The following RALYL variants were observed in gnomAD, a reference collection of about 807,000 sequenced individuals.
RALYL encodes the protein RNA-binding Raly-like protein.
RALYL carries 29 observed loss-of-function variants against 35.1 expected under a neutral mutation model. That is an observed-to-expected ratio of 0.83 (90% CI 0.61 to 1.13). The LOEUF is 1.13. RALYL is among the 50% of genes most tolerant of loss of function. The pLI is 0.00. For missense variants in RALYL, 359 were observed against 360.4 expected (o/e 1.00, Z 0.03); for synonymous variants, 120 against 127.6 (o/e 0.94, Z 0.40).
intron 2 of RALYL, among the ~76,000 whole-genome samples, chr8:84,619,577 C>A (rs1244664925): frequency 2.5e-4 from 36 of 145,856 alleles, no homozygotes; most frequent in Admixed American, 1.2e-3. Context: ...TTAATTGGAG[C>A]ATTTAGTCCA....
intron 2 of RALYL, among the ~76,000 whole-genome samples, chr8:84,566,679 T>A (rs1167725882): frequency 6.6e-6 from 1 of 151,610 alleles, no homozygotes; most frequent in African/African-American, 2.4e-5. Context: ...AATGAAGGAA[T>A]AGAATCAGAC....
chr8:84,899,377 T>C (rs1425808433), intron 8 of RALYL, among the ~76,000 whole-genome samples: 1 of 152,132 alleles, frequency 6.6e-6, no homozygotes, highest in East Asian at 1.9e-4. Flanking sequence ...TTTGTATTTT[T>C]CCTCAGTGTA....
chr8:84,762,256 G>A (rs1301179305), intron 2 of RALYL, among the ~76,000 whole-genome samples: 1 of 152,088 alleles, frequency 6.6e-6, no homozygotes, highest in African/African-American at 2.4e-5. Flanking sequence ...TATCTCATTG[G>A]ATGTTTTGTG....
Position 84,288,834 on chromosome 8 carries a change from A to G in RALYL, c.-24+104410A>G, listed in dbSNP as rs541756333. Among the ~76,000 whole-genome samples the G allele has an allele frequency of 1.6e-4, 24 of 152,274 alleles. 1 individual carries two copies. In the South Asian group the frequency reaches 3.1e-3, roughly 20 times the overall value. Reference sequence around the variant, plus strand: ...AGATATTTAAAAATTCTTTTTTGCTATCGTAAATAATGCATTAATGAATAC... The same window carrying G: ...AGATATTTAAAAATTCTTTTTTGCTGTCGTAAATAATGCATTAATGAATAC... On this transcript the variant is annotated intron_variant, in intron 1 of 8. Transcript: ENST00000521268.
At chr8:84,493,602 C>G (rs2055602050) in intron 1 of RALYL, among the ~76,000 whole-genome samples, 1 of 152,084 alleles carries the variant, frequency 6.6e-6, no homozygotes. Context: ...TTAATAATCA[C>G]CATCCTGACT....
intron 1 of RALYL, among the ~76,000 whole-genome samples, chr8:84,186,311 C>T (rs1032460612): frequency 6.6e-6 from 1 of 152,060 alleles, no homozygotes; most frequent in Non-Finnish European, 1.5e-5. Flanking sequence ...ATGCCTCAAA[C>T]AGCTAACATA....
intron 1 of RALYL, among the ~76,000 whole-genome samples, chr8:84,251,497 C>T (rs1280371394): frequency 6.6e-6 from 1 of 151,838 alleles, no homozygotes; most frequent in Non-Finnish European, 1.5e-5. Flanking sequence ...TTGAAAGAAG[C>T]AAGTTCTATC....
At chr8:84,623,672 T>C (rs1484715428) in intron 2 of RALYL, among the ~76,000 whole-genome samples, 1 of 152,090 alleles carries the variant, frequency 6.6e-6, no homozygotes, top group Non-Finnish European at 1.5e-5. Flanking sequence ...AGTTTTTCTC[T>C]AAATAGGAGC....
In RALYL at chr8:84,902,114, A is replaced by G. The variant is rs533555162; in HGVS notation, c.858+14338A>G. 9.9e-5 allele frequency among the ~76,000 whole-genome samples: 15 copies of G among 152,180 alleles called. No individual in the cohort carries two copies. In the East Asian group the frequency reaches 2.9e-3, roughly 29 times the overall value. Reference sequence around the variant, plus strand: ...ACATTGCTATAAAGAAATACCTAAGACTCGGTAACTTACAAAGAAAAGAGG... The same window carrying G: ...ACATTGCTATAAAGAAATACCTAAGGCTCGGTAACTTACAAAGAAAAGAGG... On this transcript the variant is annotated intron_variant, in intron 8 of 8. Transcript: ENST00000521268.
At chr8:84,466,703 G>A (rs879829574) in intron 1 of RALYL, among the ~76,000 whole-genome samples, 1,653 of 152,090 alleles carry the variant, frequency 0.011, 32 homozygotes, top group Admixed American at 0.055. Context: ...GATTAGAATA[G>A]TTTCAGAAGG....
rs139122888 is a variant in RALYL, at chr8:84,293,359, G to A, written c.-24+108935G>A. Among the ~76,000 whole-genome samples the A allele has an allele frequency of 2.0e-5, 3 of 152,032 alleles. No homozygotes were observed. The East Asian group carries it at 5.8e-4, about 29-fold the overall frequency. The stretch of plus-strand genomic sequence containing the variant: ...TGTTCCCAAATCCTCTGGTCCTGAG[G>A]GATTATTCTTCTTTAATAAATAAGT... On this transcript the variant is annotated intron_variant, in intron 1 of 8. Coordinates refer to ENST00000521268, the MANE Select transcript of RALYL (RefSeq NM_173848.7).
At chr8:84,188,013 T>C (rs1812943427) in intron 1 of RALYL, among the ~76,000 whole-genome samples, 1 of 152,146 alleles carries the variant, frequency 6.6e-6, no homozygotes, top group African/African-American at 2.4e-5. Context: ...GTTTGAATAG[T>C]AAGGACGAAT....
intron 2 of RALYL, among the ~76,000 whole-genome samples, chr8:84,740,558 T>C (rs1265171565): frequency 2.6e-5 from 4 of 152,036 alleles, no homozygotes; most frequent in Admixed American, 2.0e-4. Flanking sequence ...CTTCTGAAAG[T>C]TTTAAGTGTG....
chr8:84,831,365 T>A (rs2134392936), intron 4 of RALYL, among the ~76,000 whole-genome samples: 1 of 152,282 alleles, frequency 6.6e-6, no homozygotes, highest in African/African-American at 2.4e-5. Flanking sequence ...ACAAGAACTC[T>A]GTGTTCAGCT....
At chr8:84,283,403 C>T (rs988401303) in intron 1 of RALYL, among the ~76,000 whole-genome samples, 10 of 152,130 alleles carry the variant, frequency 6.6e-5, no homozygotes, top group African/African-American at 2.4e-4. Context: ...AAGGCAAAAG[C>T]TCTCTTTCAC....
chr8:84,327,667 C>T (rs1374050103), intron 1 of RALYL, among the ~76,000 whole-genome samples: 1 of 151,432 alleles, frequency 6.6e-6, no homozygotes, highest in African/African-American at 2.4e-5. Context: ...TCCTTTCTAT[C>T]TGGCCCTTCA....
chr8:84,527,850 A>G (rs1464951894), intron 1 of RALYL, among the ~76,000 whole-genome samples: 2 of 152,168 alleles, frequency 1.3e-5, no homozygotes, highest in Non-Finnish European at 2.9e-5. Context: ...AACTGAATGT[A>G]TTGTTTATTA....
chr8:84,833,974 C>A (rs1048876996), intron 4 of RALYL, among the ~76,000 whole-genome samples: 2 of 151,750 alleles, frequency 1.3e-5, no homozygotes, highest in East Asian at 1.9e-4. Flanking sequence ...TGACATCATT[C>A]TCCAACATTT....
At chr8:84,291,431 T>C (rs1448987688) in intron 1 of RALYL, among the ~76,000 whole-genome samples, 2 of 152,148 alleles carry the variant, frequency 1.3e-5, no homozygotes, top group Non-Finnish European at 1.5e-5. Flanking sequence ...ATTTAGAAAA[T>C]CTTAAAAATT....
Sources: allele counts gnomAD v4.1 joint callset (sites outside exome capture counted in the v4.1 genomes callset), GRCh38; gene constraint gnomAD v4.1.1; transcripts MANE v1.5; gene names NCBI Gene and HGNC (gene_info 2026-07-23, HGNC 2026-07-21).